CRISPLD1: variants seen among roughly 807,000 people sequenced by gnomAD.
The protein encoded by CRISPLD1 is cysteine-rich secretory protein LCCL domain-containing 1.
Under a neutral mutation model 77.5 loss-of-function variants are expected in CRISPLD1, and 60 were observed. That is an observed-to-expected ratio of 0.77 (90% CI 0.63 to 0.96). CRISPLD1 has a LOEUF of 0.96. Ranked by LOEUF, CRISPLD1 falls within the 40% of genes least tolerant of loss-of-function variation. The pLI is 0.00. For synonymous variants in CRISPLD1, 195 were observed against 200.1 expected, an observed-to-expected ratio of 0.97 and a Z score of 0.22; for missense variants, 623 against 615.8, an observed-to-expected ratio of 1.01 and a Z score of -0.12.
chr8:75,019,820 T>C (rs772382070), intron 10 of CRISPLD1, 50 bp from the exon 11 acceptor site: 1 of 1,420,312 alleles, frequency 7.0e-7, no homozygotes. Context: ...ATGATGCTGC[T>C]GCTGATGCCT....
intron 2 of CRISPLD1, among the ~76,000 whole-genome samples, chr8:75,002,169 T>G (rs2128782835): frequency 6.6e-6 from 1 of 152,118 alleles, no homozygotes; most frequent in Admixed American, 6.6e-5. Flanking sequence ...ATTATAAGAT[T>G]ATTTACTCTC....
intron 1 of CRISPLD1, 43 bp from the exon 2 acceptor site, chr8:74,985,883 T>A (rs1812487592): frequency 3.1e-6 from 4 of 1,284,762 alleles, no homozygotes; most frequent in Non-Finnish European, 4.3e-6. Flanking sequence ...AAAATTCATA[T>A]CTGCTGGAAT....
At chr8:74,995,701 T>A (rs1812636670) in intron 2 of CRISPLD1, among the ~76,000 whole-genome samples, 1 of 152,226 alleles carries the variant, frequency 6.6e-6, no homozygotes, top group African/African-American at 2.4e-5. Flanking sequence ...AAGAGATAAT[T>A]CAATTAGGGA....
chr8:75,002,986 G>A (rs942750082), intron 2 of CRISPLD1, among the ~76,000 whole-genome samples: 1 of 152,100 alleles, frequency 6.6e-6, no homozygotes, highest in African/African-American at 2.4e-5. Flanking sequence ...ATATTCCTGA[G>A]GAATGTCTAA....
intron 2 of CRISPLD1, among the ~76,000 whole-genome samples, chr8:75,011,858 G>A (rs1812937082): frequency 6.6e-6 from 1 of 152,114 alleles, no homozygotes; most frequent in African/African-American, 2.4e-5. Flanking sequence ...AGATAGATAT[G>A]TAAGCAGATA....
At chr8:75,025,699 T>C (rs1424615081) in intron 13 of CRISPLD1, 78 bp downstream of exon 13, 3 of 613,010 alleles carry the variant, frequency 4.9e-6, no homozygotes, top group East Asian at 6.3e-5. Context: ...TGTGTATATG[T>C]ACATTTATAT....
chr8:74,989,502 A>G (rs1812541835), intron 2 of CRISPLD1, among the ~76,000 whole-genome samples: 1 of 151,950 alleles, frequency 6.6e-6, no homozygotes, highest in South Asian at 2.1e-4. Flanking sequence ...TGGCAAAATG[A>G]AAGAATATAA....
intron 2 of CRISPLD1, among the ~76,000 whole-genome samples, chr8:75,001,554 G>T (rs1361991641): frequency 6.6e-6 from 1 of 152,190 alleles, no homozygotes; most frequent in Non-Finnish European, 1.5e-5. Context: ...GAACAGTAAA[G>T]CTTCTTAAAA....
At chr8:75,019,787 CAT>C (rs1336915889) in intron 10 of CRISPLD1, 81 bp from the exon 11 acceptor site, 1 of 1,076,848 alleles carries the variant, frequency 9.3e-7, no homozygotes. Context: ...ATTAAGTGTT[CAT>C]AGACTTGAAA....
chr8:75,019,591 A>AT (rs1221503428), intron 10 of CRISPLD1, among the ~76,000 whole-genome samples: 3 of 151,914 alleles, frequency 2.0e-5, no homozygotes, highest in African/African-American at 7.2e-5. Context: ...AACCAAATAT[A>AT]TTTTTTATAT....
intron 14 of CRISPLD1, among the ~76,000 whole-genome samples, chr8:75,030,221 A>T (rs966398392): frequency 1.3e-5 from 2 of 152,152 alleles, no homozygotes; most frequent in Non-Finnish European, 2.9e-5. Flanking sequence ...CAAAATTGCT[A>T]ATGGAGAACA....
At chr8:74,993,541 A>G (rs1295391748) in intron 2 of CRISPLD1, among the ~76,000 whole-genome samples, 2 of 152,200 alleles carry the variant, frequency 1.3e-5, no homozygotes, top group East Asian at 3.8e-4. Flanking sequence ...ACAAAACCTT[A>G]ATTTGAATAT....
In CRISPLD1 at chr8:75,020,074, C is replaced by T; in HGVS notation, c.1239C>T (p.Cys413=). ...CATTTCATAAGCCTGCTTCACATTG[C>T]CCAAGGTAAACCAGTGTACACATAG... The part of the protein sequence containing the change: ...LCPFHKPASH[C]PRVYCPRNCM... Residue 413 remains cysteine, a synonymous_variant, in exon 12 of 15, where the codon TGC becomes TGT. Transcript: ENST00000262207. 6.2e-7 allele frequency: 1 copy of T among 1,613,624 alleles called. No homozygotes were observed. Among genetic ancestry groups the T allele is most frequent in the Non-Finnish European group, 8.5e-7 (1 of 1,179,576 alleles).
intron 2 of CRISPLD1, among the ~76,000 whole-genome samples, chr8:74,990,554 C>T (rs893394619): frequency 2.0e-5 from 3 of 152,082 alleles, no homozygotes; most frequent in African/African-American, 7.2e-5. Flanking sequence ...TCCTGTATCT[C>T]CAGCTGACAG....
chr8:75,024,728 T>TA (rs1813203236), intron 12 of CRISPLD1, among the ~76,000 whole-genome samples: 1 of 152,112 alleles, frequency 6.6e-6, no homozygotes, highest in Non-Finnish European at 1.5e-5. Context: ...TGCAGTAAGT[T>TA]AGACAGTAGA....
intron 12 of CRISPLD1, 44 bp from the exon 13 acceptor site, chr8:75,025,493 AGACTTAAGT>A: frequency 1.4e-6 from 1 of 711,138 alleles, no homozygotes; most frequent in Non-Finnish European, 2.1e-6. Context: ...CTAATAAGAA[AGACTTAAGT>A]AACCAGCTTA....
intron 12 of CRISPLD1, among the ~76,000 whole-genome samples, chr8:75,021,052 T>C (rs767404495): frequency 7.9e-5 from 12 of 152,186 alleles, no homozygotes; most frequent in Non-Finnish European, 1.3e-4. Context: ...ATATCCACAC[T>C]ACTTTTAAAA....
At chr8:75,013,658 T>C (rs1812975426) in intron 4 of CRISPLD1, among the ~76,000 whole-genome samples, 1 of 152,168 alleles carries the variant, frequency 6.6e-6, no homozygotes, top group African/African-American at 2.4e-5. Flanking sequence ...TGATTTTCTG[T>C]TCCTTTGTCA....
intron 3 of CRISPLD1, 56 bp downstream of exon 3, chr8:75,012,607 CTTA>C (rs1165861247): frequency 1.7e-6 from 2 of 1,159,760 alleles, no homozygotes; most frequent in Non-Finnish European, 1.3e-6. Flanking sequence ...AAATGAAGTC[CTTA>C]TTAATTCATC....
Sources: allele counts gnomAD v4.1 joint callset (sites outside exome capture counted in the v4.1 genomes callset), GRCh38; gene constraint gnomAD v4.1.1; transcripts MANE v1.5; gene names NCBI Gene and HGNC (gene_info 2026-07-23, HGNC 2026-07-21).